GPR143: variants seen among roughly 807,000 people sequenced by gnomAD.
GPR143 encodes G protein-coupled receptor 143.
In GPR143, 8 loss-of-function variants were observed where a neutral mutation model predicts 27.6. The ratio of observed to expected loss-of-function variants is 0.29; its 90% confidence interval spans 0.17 to 0.52. The LOEUF (loss-of-function observed/expected upper bound fraction) is 0.52. GPR143 is among the 20% of genes least tolerant of loss of function. The pLI is 0.96. For missense variants in GPR143, 303 were observed against 343.1 expected (o/e 0.88, Z 0.92); for synonymous variants, 156 against 153.2 (o/e 1.02, Z -0.13).
chrX:9,764,406 A>G (rs1271834286), intron 1 of GPR143, among the ~76,000 whole-genome samples: 1 of 111,021 alleles, frequency 9.0e-6, no homozygotes, highest in Non-Finnish European at 1.9e-5. Context: ...CCTGTGGTGT[A>G]AAAACCATAC....
chrX:9,745,561 C>A (rs2083424896), intron 5 of GPR143, among the ~76,000 whole-genome samples: 1 of 111,943 alleles, frequency 8.9e-6, no homozygotes, highest in African/African-American at 3.3e-5. Flanking sequence ...CCAACGACTT[C>A]ATTACTCTTA....
At chrX:9,774,622 G>A (rs777022230) in intron 1 of GPR143, among the ~76,000 whole-genome samples, 200 of 70,618 alleles carry the variant, frequency 2.8e-3, no homozygotes, top group African/African-American at 9.8e-3. Context: ...TTAATGGACG[G>A]AAGGAGGACT....
intron 3 of GPR143, among the ~76,000 whole-genome samples, chrX:9,751,746 C>A (rs1194952474): frequency 8.9e-6 from 1 of 112,413 alleles, no homozygotes; most frequent in African/African-American, 3.2e-5. Flanking sequence ...GAACTGCACA[C>A]GTTTAAAGGG....
Position 9,749,255 on chromosome X carries a change from C to G in GPR143, c.456-589G>C, listed in dbSNP as rs768691047. ...CCCCCAACCCCCTCCGGCCCCCAAT[C>G]GCTCGGCTGCCTTGTGAAGAAGGTG... On this transcript the variant is annotated intron_variant, in intron 3 of 8. Coordinates refer to ENST00000467482, the MANE Select transcript of GPR143 (RefSeq NM_000273.3). Among the ~76,000 whole-genome samples, 3 of 88,185 alleles carry G rather than the reference C, an allele frequency of 3.4e-5. No individual in the cohort carries two copies. In the East Asian group the frequency reaches 1.3e-3, roughly 39 times the overall value. The allele number at this position is 88,185 out of a possible 115,157, so 76.6% of individuals were successfully genotyped here.
chrX:9,745,360 A>G (rs1278797640), intron 5 of GPR143, among the ~76,000 whole-genome samples: 1 of 112,580 alleles, frequency 8.9e-6, no homozygotes, highest in Non-Finnish European at 1.9e-5. Flanking sequence ...AAAAAGTTCA[A>G]CAATCAACAG....
At chrX:9,734,067 C>T (rs771864218) in intron 8 of GPR143, among the ~76,000 whole-genome samples, 9 of 72,944 alleles carry the variant, frequency 1.2e-4, no homozygotes, top group Admixed American at 1.0e-3. Flanking sequence ...GCAACAACAG[C>T]GAAACTCTGT....
At chrX:9,772,146 A>T (rs1338178436) in intron 1 of GPR143, among the ~76,000 whole-genome samples, 1 of 112,093 alleles carries the variant, frequency 8.9e-6, no homozygotes, top group Non-Finnish European at 1.9e-5. Context: ...GAGGAAAAGA[A>T]AGGGAAGAGG....
At chrX:9,763,638 G>A (rs1385793646) in intron 1 of GPR143, among the ~76,000 whole-genome samples, 2 of 111,597 alleles carry the variant, frequency 1.8e-5, no homozygotes, top group African/African-American at 6.5e-5. Flanking sequence ...CCGGGTACCC[G>A]TACCTCACGA....
At chrX:9,757,554 GAGAC>G (rs1290526281) in intron 3 of GPR143, among the ~76,000 whole-genome samples, 5 of 111,645 alleles carry the variant, frequency 4.5e-5, no homozygotes, top group African/African-American at 9.8e-5. Flanking sequence ...CAGCTCCACA[GAGAC>G]AGAAAGTAGA....
chrX:9,764,202 G>A (rs927105224), intron 1 of GPR143, among the ~76,000 whole-genome samples: 1 of 111,056 alleles, frequency 9.0e-6, no homozygotes, highest in African/African-American at 3.3e-5. Flanking sequence ...GAGGTGGGAG[G>A]ATCGCTTGAA....
intron 8 of GPR143, among the ~76,000 whole-genome samples, chrX:9,737,439 T>A (rs1243973883): frequency 4.5e-5 from 5 of 112,089 alleles, no homozygotes; most frequent in African/African-American, 1.6e-4. Flanking sequence ...GAAAACACTA[T>A]CCGAAGTACA....
intron 8 of GPR143, among the ~76,000 whole-genome samples, chrX:9,734,791 C>A (rs2083371651): frequency 8.9e-6 from 1 of 111,848 alleles, no homozygotes; most frequent in South Asian, 3.7e-4. Context: ...ACAGCCCCGG[C>A]CAGGCTCTAT....
At chrX:9,729,698 C>A (rs1300150411) in intron 8 of GPR143, among the ~76,000 whole-genome samples, 1 of 111,876 alleles carries the variant, frequency 8.9e-6, no homozygotes, top group Non-Finnish European at 1.9e-5. Flanking sequence ...GACTAATTCC[C>A]AATTGTTGCA....
intron 5 of GPR143, 61 bp from the exon 6 acceptor site, chrX:9,743,734 G>C: frequency 1.4e-6 from 1 of 697,881 alleles, no homozygotes; most frequent in Non-Finnish European, 2.3e-6. Context: ...GAGTGACAGA[G>C]AAGGCAATGG....
At chrX:9,739,364 G>C (rs2083392014) in intron 8 of GPR143, 121 bp downstream of exon 8, 4 of 518,212 alleles carry the variant, frequency 7.7e-6, no homozygotes, top group South Asian at 2.5e-5. Context: ...GTTCACATGA[G>C]AGGTGCTGCT....
intron 1 of GPR143, among the ~76,000 whole-genome samples, chrX:9,773,514 AAC>A (rs1341514942): frequency 1.9e-5 from 2 of 105,035 alleles, no homozygotes; most frequent in Non-Finnish European, 3.9e-5. Flanking sequence ...CACACACATA[AAC>A]ACACACGCAC....
At chrX:9,734,080 C>CAA (rs34722888) in intron 8 of GPR143, among the ~76,000 whole-genome samples, 17,001 of 57,535 alleles carry the variant, frequency 0.3, 2,314 homozygotes, top group East Asian at 0.6. Flanking sequence ...AACTCTGTCT[C>CAA]AAAAAAAAAA....
At chrX:9,727,741 G>A (rs772045909) in intron 8 of GPR143, among the ~76,000 whole-genome samples, 1 of 112,368 alleles carries the variant, frequency 8.9e-6, no homozygotes, top group Non-Finnish European at 1.9e-5. Flanking sequence ...ACAGAGAGTG[G>A]CCTTCCTAAC....
chrX:9,760,838 T>C lies in GPR143; in HGVS notation c.251-12A>G, dbSNP rs1231248050. The C allele has an allele frequency of 5.3e-6, 5 of 937,720 alleles. No individual in the cohort carries two copies. Among genetic ancestry groups the C allele is most frequent in the African/African-American group, 1.9e-5 (1 of 52,560 alleles). 77.3% of individuals were successfully genotyped at this position (937,720 alleles called of 1,213,427 possible). A position where few individuals can be genotyped will look rare whatever the true frequency, so the allele number is the denominator to read the frequency against. ...CCGGATCACCATACCTAAGAGAGAATTGGATAATACTTTGTATCTGATCCT... is the reference window on the plus strand; with the variant it reads ...CCGGATCACCATACCTAAGAGAGAACTGGATAATACTTTGTATCTGATCCT... On this transcript the variant is annotated splice_polypyrimidine_tract_variant and intron_variant, in intron 1 of 8. Coordinates refer to ENST00000467482, the MANE Select transcript of GPR143 (RefSeq NM_000273.3).
Sources: gnomAD v4.1 joint callset for allele counts (sites outside exome capture counted in the v4.1 genomes callset) on GRCh38, gnomAD v4.1.1 for gene constraint, MANE v1.5 for transcripts, NCBI Gene and HGNC (gene_info 2026-07-23, HGNC 2026-07-21) for gene names.